ACY3: variants seen among roughly 807,000 people sequenced by gnomAD.
ACY3 encodes the protein aminoacylase 3.
A neutral mutation model predicts 24.6 loss-of-function variants in ACY3; 20 were observed. That is an observed-to-expected ratio of 0.81 (90% confidence interval 0.57 to 1.18). ACY3 has a LOEUF of 1.18. ACY3 is among the 50% of genes most tolerant of loss of function. The pLI is 0.00. For missense variants in ACY3, 423 were observed against 426.8 expected (o/e 0.99, Z 0.08); for synonymous variants, 174 against 188.4 (o/e 0.92, Z 0.62).
chr11:67,649,860 GTGTGTGTGCA>G (rs1161599848), intron 1 of ACY3, among the ~76,000 whole-genome samples: 4 of 150,272 alleles, frequency 2.7e-5, no homozygotes, highest in East Asian at 2.0e-4. Context: ...GTGCATGAGA[GTGTGTGTGCA>G]TGTGTGTGCA....
rs567885766 is a variant in ACY3 at position 67,645,264 on chromosome 11, C to A, written c.526+23G>T. 1.1e-5 allele frequency: 18 copies of A among 1,613,110 alleles called. No individual in the cohort carries two copies. In the South Asian group the frequency reaches 1.3e-4, roughly 12 times the overall value. ...CCTCCAGCCCTCCTGGCCCCGCCCA[C>A]TTCTCAGAAGGCTGCGGCCCACCCA... On this transcript the variant is annotated intron_variant, in intron 5 of 7. Transcript: ENST00000255082.
chr11:67,644,687 G>A, intron 7 of ACY3, 73 bp downstream of exon 7: 1 of 1,421,912 alleles, frequency 7.0e-7, no homozygotes, highest in Non-Finnish European at 9.5e-7. Context: ...AGTTTTCCTT[G>A]ACAATCCTCC....
In ACY3 at chr11:67,645,800, G is replaced by A; in HGVS notation, c.324C>T (p.Ala108=). 6.2e-7 allele frequency: 1 copy of A among 1,614,034 alleles called. No homozygotes were observed. The highest frequency in any genetic ancestry group is 8.5e-7 in the Non-Finnish European group (1 of 1,179,952). ...TGTGCAGGTCAAGGACAAAGTCAAA[G>A]GCCTGGCCCGAGGCCTTGGGCCCCA... ...QLLGPKASGQ[A]FDFVLDLHNT... The change falls in exon 4 of 8, where the codon GCC becomes GCT. Residue 108 remains alanine (A), a synonymous_variant. Transcript: ENST00000255082.
In ACY3 at chr11:67,642,693, G is replaced by A. The variant is rs778344985; in HGVS notation, c.*31C>T. The A allele has an allele frequency of 4.5e-5, 72 of 1,609,600 alleles. No individual in the cohort carries two copies. The highest frequency in any genetic ancestry group is 1.7e-4 in the Admixed American group (10 of 60,008). ...GCCTCAGGACCCATCGTTCAGATGG[G>A]AAGACTGAGGTTGGGGAGGTGTGTC... On this transcript the variant is annotated 3_prime_UTR_variant, in exon 8 of 8. Transcript: ENST00000255082.
At chr11:67,643,271 G>A (rs906662179) in intron 7 of ACY3, among the ~76,000 whole-genome samples, 9 of 152,224 alleles carry the variant, frequency 5.9e-5, no homozygotes, top group African/African-American at 2.2e-4. Flanking sequence ...CAGCTTTCTT[G>A]TCTGTAAAAT....
Position 67,645,309 on chromosome 11 carries a change from G to C in ACY3, c.504C>G (p.Asp168Glu), listed in dbSNP as rs377442739. The change falls in exon 5 of 8, where the codon GAC becomes GAG. Residue 168 changes from aspartate (D) to glutamate (E), a missense_variant. Asp to Glu is a conservative substitution (Grantham distance 45). Transcript: ENST00000255082. ...QRSGEESYNL[D>E]SVAKNGLGLE... Reference sequence around the variant, plus strand: ...CACCCAGTCCATTTTTGGCCACAGAGTCCAGGTTGTAGCTCTCCTCCCCAG... The same window carrying C: ...CACCCAGTCCATTTTTGGCCACAGACTCCAGGTTGTAGCTCTCCTCCCCAG... 6.2e-7 allele frequency: 1 copy of C among 1,613,696 alleles called. No homozygotes were observed.
chr11:67,643,882 CTACTGGGGAGGCT>C (rs1855455465), intron 7 of ACY3, among the ~76,000 whole-genome samples: 1 of 151,878 alleles, frequency 6.6e-6, no homozygotes, highest in Admixed American at 6.6e-5. Flanking sequence ...ATAATCCCAG[CTACTGGGGAGGCT>C]GAGTCAGGAG....
rs543209831 is a variant in ACY3, at chr11:67,649,605, T to C, written c.-95+978A>G. The stretch of plus-strand genomic sequence containing the variant: ...GTGTGCATGAGAGCATGTGTGTGCG[T>C]GTGTGCACTCACATGTGTACGTGAC... On this transcript the variant is annotated intron_variant, in intron 1 of 7. Transcript: ENST00000255082. Among the ~76,000 whole-genome samples the C allele has an allele frequency of 8.5e-4, 128 of 150,852 alleles. 3 individuals are homozygous for C. The highest frequency in any genetic ancestry group is 2.9e-3 in the African/African-American group (120 of 40,826).
chr11:67,649,313 C>T (rs150151468), intron 1 of ACY3, among the ~76,000 whole-genome samples: 3 of 152,274 alleles, frequency 2.0e-5, no homozygotes, highest in African/African-American at 7.2e-5. Flanking sequence ...GAAGGGCCTC[C>T]GTGGCAGACC....
intron 1 of ACY3, among the ~76,000 whole-genome samples, chr11:67,649,199 C>T (rs1227304622): frequency 4.6e-5 from 7 of 152,086 alleles, no homozygotes; most frequent in Non-Finnish European, 8.8e-5. Flanking sequence ...TCAGGGACCC[C>T]CATGCTGCTT....
intron 7 of ACY3, among the ~76,000 whole-genome samples, chr11:67,644,056 C>CTGTT (rs1855458927): frequency 1.3e-5 from 2 of 152,096 alleles, no homozygotes; most frequent in Non-Finnish European, 2.9e-5. Context: ...CCCAAATTGA[C>CTGTT]TGTTATGACT....
In ACY3 at chr11:67,645,674, G is replaced by T. The variant is rs1855501379; in HGVS notation, c.432+18C>A. ...CCCACTCCCCTCTGGGGAGCTGTGT[G>T]CTTGGGGCCGGGGCCACCTGCAGAT... On this transcript the variant is annotated intron_variant, in intron 4 of 7. Transcript: ENST00000255082. The T allele has an allele frequency of 1.3e-6, 2 of 1,583,386 alleles. No individual in the cohort carries two copies. The highest frequency in any genetic ancestry group is 1.7e-6 in the Non-Finnish European group (2 of 1,164,696).
rs373268069 is a variant in ACY3, at chr11:67,645,742, C to T, written c.382G>A (p.Ala128Thr). Reference sequence around the variant, plus strand: ...GCAAAGACTTCGTGGGAGGACTTCGCGATTAAGCAGGTGCCCATGTTGGCC... The same window carrying T: ...GCAAAGACTTCGTGGGAGGACTTCGTGATTAAGCAGGTGCCCATGTTGGCC... The part of the protein sequence containing the change: ...TTANMGTCLI[A>T]KSSHEVFAMH... The change falls in exon 4 of 8, where the codon GCG (alanine) becomes ACG (threonine). Residue 128 changes from alanine (A) to threonine (T), a missense_variant. Transcript: ENST00000255082. The T allele has an allele frequency of 5.0e-5, 81 of 1,613,264 alleles. No individual in the cohort carries two copies. The highest frequency in any genetic ancestry group is 6.4e-5 in the Non-Finnish European group (76 of 1,179,848).
intron 1 of ACY3, among the ~76,000 whole-genome samples, chr11:67,649,706 T>C (rs1855584907): frequency 1.3e-5 from 2 of 150,816 alleles, no homozygotes; most frequent in Non-Finnish European, 2.9e-5. Flanking sequence ...CATGTATGTG[T>C]ACATGTGTGC....
chr11:67,650,352 G>A (rs1313164800), intron 1 of ACY3, among the ~76,000 whole-genome samples: 1 of 152,160 alleles, frequency 6.6e-6, no homozygotes, highest in Non-Finnish European at 1.5e-5. Context: ...CCTCAGCTCG[G>A]GGAGACACTG....
Position 67,642,853 on chromosome 11 carries a change from C to A in ACY3, c.831G>T (p.Thr277=). Residue 277 remains threonine (T), a synonymous_variant, in exon 8 of 8, where the codon ACG becomes ACT. Transcript: ENST00000255082. The part of the protein sequence containing the change: ...GEDLLYEGES[T]VYPVFINEAA... ...CCTCGTTAATGAACACGGGGTACACCGTGGACTCTCCCTCATAGAGCAGGT... is the reference window on the plus strand; with the variant it reads ...CCTCGTTAATGAACACGGGGTACACAGTGGACTCTCCCTCATAGAGCAGGT... The A allele has an allele frequency of 6.2e-7, 1 of 1,614,066 alleles. No homozygotes were observed. Among genetic ancestry groups the A allele is most frequent in the South Asian group, 1.1e-5 (1 of 91,084 alleles).
Position 67,642,841 on chromosome 11 carries a change from C to T in ACY3, c.843G>A (p.Val281=). The part of the protein sequence containing the change: ...LYEGESTVYP[V]FINEAAYYEK... ...CATAGTAGGCAGCCTCGTTAATGAA[C>T]ACGGGGTACACCGTGGACTCTCCCT... is the stretch of plus-strand genomic sequence containing the variant. The change falls in exon 8 of 8, where the codon GTG becomes GTA. Residue 281 remains valine, a synonymous_variant. Coordinates refer to ENST00000255082, the MANE Select transcript of ACY3 (RefSeq NM_080658.2). 3.1e-6 allele frequency: 5 copies of T among 1,614,138 alleles called. No homozygotes were observed. Among genetic ancestry groups the T allele is most frequent in the South Asian group, 1.1e-5 (1 of 91,084 alleles).
intron 7 of ACY3, among the ~76,000 whole-genome samples, chr11:67,644,447 C>T (rs902309631): frequency 2.0e-5 from 3 of 152,222 alleles, no homozygotes; most frequent in African/African-American, 4.8e-5. Flanking sequence ...CATGCCTGCT[C>T]CATGTCCCCT....
At chr11:67,643,821 C>T (rs1243050755) in intron 7 of ACY3, among the ~76,000 whole-genome samples, 1 of 150,390 alleles carries the variant, frequency 6.6e-6, no homozygotes, top group African/African-American at 2.5e-5. Flanking sequence ...GTGGTGAAAC[C>T]CTGTCTGTAC....
Sources: gnomAD v4.1 joint callset for allele counts (sites outside exome capture counted in the v4.1 genomes callset) on GRCh38, gnomAD v4.1.1 for gene constraint, MANE v1.5 for transcripts, NCBI Gene and HGNC (gene_info 2026-07-23, HGNC 2026-07-21) for gene names.